KLHL33: variants seen among roughly 807,000 people sequenced by gnomAD.
The protein encoded by KLHL33 is kelch-like protein 33.
Under a neutral mutation model 60.8 loss-of-function variants are expected in KLHL33, and 46 were observed. The ratio of observed to expected loss-of-function variants is 0.76; its 90% confidence interval spans 0.60 to 0.97. KLHL33 has a LOEUF of 0.97. KLHL33 is among the 50% of genes least tolerant of loss of function. KLHL33 has a pLI of 0.00. For synonymous variants in KLHL33, 434 were observed against 432.2 expected (o/e 1.00, Z -0.05); for missense variants, 1,055 against 1,000.0 (o/e 1.05, Z -0.74).
intron 2 of KLHL33, among the ~76,000 whole-genome samples, chr14:20,434,434 G>T (rs545793795): frequency 6.6e-6 from 1 of 152,062 alleles, no homozygotes; most frequent in Non-Finnish European, 1.5e-5. Flanking sequence ...CCAGCTACTC[G>T]GGAGGCTGAG....
At chr14:20,434,565 G>C (rs1410184429) in intron 2 of KLHL33, among the ~76,000 whole-genome samples, 1 of 150,570 alleles carries the variant, frequency 6.6e-6, no homozygotes. Flanking sequence ...AAAGTGCCAC[G>C]GCCTGGTAAC....
At position 20,429,876 on chromosome 14, in the gene KLHL33, G is replaced by T. The variant is rs1880434407; in HGVS notation, c.1592C>A (p.Ala531Glu). The T allele has an allele frequency of 6.4e-7, 1 of 1,551,844 alleles. No individual in the cohort carries two copies. The highest frequency in any genetic ancestry group is 8.7e-7 in the Non-Finnish European group (1 of 1,147,058). The change falls in exon 3 of 5, where the codon GCA (alanine) becomes GAA (glutamate). Residue 531 changes from alanine (A) to glutamate (E), a missense_variant. Physicochemically the swap from Ala to Glu is moderately radical, Grantham distance 107. Coordinates refer to ENST00000636854, the MANE Select transcript of KLHL33 (RefSeq NM_001365790.2). ...ATAGAGTTCACTTCCTGCCAGGCTT[G>T]CAGCCCCATGCCGGAAGCGTCCGGG... is the stretch of plus-strand genomic sequence containing the variant. ...PAPGRFRHGA[A>E]SLAGSELYVC...
At position 20,429,195 on chromosome 14, in the gene KLHL33, C is replaced by T. The variant is rs1880399482; in HGVS notation, c.2048G>A (p.Arg683Lys). 1.3e-6 allele frequency: 2 copies of T among 1,551,564 alleles called. No homozygotes were observed. Among genetic ancestry groups the T allele is most frequent in the East Asian group, 2.4e-5 (1 of 40,906 alleles). ...ACCCAGCCCACCTGCCACATACAAC[C>T]TCCCACCCAATGCAGCCATGACATG... ...AGHVMAALGGRLYVAGGLGET... is the reference protein window; with the variant it reads ...AGHVMAALGGKLYVAGGLGET... The change falls in exon 5 of 5, where the codon AGG (arginine) becomes AAG (lysine). Residue 683 changes from arginine (R) to lysine (K), a missense_variant. By Grantham distance (26) the Arg-to-Lys change is conservative (BLOSUM62 2). Coordinates refer to ENST00000636854, the MANE Select transcript of KLHL33 (RefSeq NM_001365790.2).
Position 20,430,137 on chromosome 14 carries a change from A to G in KLHL33, c.1331T>C (p.Leu444Pro). 1 of 1,551,638 alleles carries G rather than the reference A, an allele frequency of 6.4e-7. No homozygotes were observed. Among genetic ancestry groups the G allele is most frequent in the Non-Finnish European group, 8.7e-7 (1 of 1,147,010 alleles). Reference protein sequence around the residue: ...RELRRVRAAGLLPPLTPDLLH... With the variant: ...RELRRVRAAGPLPPLTPDLLH... ...CAGATCTGGGGTCAGGGGTGGAAGT[A>G]GCCCGGCTGCCCGCACCCTCCGCAA... Residue 444 changes from leucine (L) to proline (P), a missense_variant, in exon 3 of 5, where the codon CTA (leucine) becomes CCA (proline). By Grantham distance (98) the Leu-to-Pro change is moderately conservative (BLOSUM62 -3). Coordinates refer to ENST00000636854, the MANE Select transcript of KLHL33 (RefSeq NM_001365790.2).
chr14:20,427,024 A>G lies in KLHL33; in HGVS notation c.*1825T>C, dbSNP rs1426350225. 71 of 106,848 alleles carry G rather than the reference A, an allele frequency of 6.6e-4. 1 individual carries two copies. The highest frequency in any genetic ancestry group is 2.3e-3 in the African/African-American group (61 of 26,994). The allele number at this position is 106,848 out of a possible 1,614,324, so 6.6% of individuals were successfully genotyped here. A position where few individuals can be genotyped will look rare whatever the true frequency, so the allele number is the denominator to read the frequency against. On this transcript the variant is annotated 3_prime_UTR_variant, in exon 5 of 5. Transcript: ENST00000636854. The stretch of plus-strand genomic sequence containing the variant: ...CAGGAAGGGGAACATCACACTCTGG[A>G]GAATGTTGTGGGGTGGGGGGAGGGG...
chr14:20,428,661 G>GT lies in KLHL33; in HGVS notation c.*187dup. ...TCAGCTGCCTCCCCTTTCCCTATAT[G>GT]TTTTCCCTAGGAGTTCTGGAACCAC... On this transcript the variant is annotated 3_prime_UTR_variant, in exon 5 of 5. Coordinates refer to ENST00000636854, the MANE Select transcript of KLHL33 (RefSeq NM_001365790.2). 1 of 607,402 alleles carries GT rather than the reference G, an allele frequency of 1.6e-6. No homozygotes were observed. The highest frequency in any genetic ancestry group is 2.9e-6 in the Non-Finnish European group (1 of 350,632). The allele number at this position is 607,402 out of a possible 1,614,324, so 37.6% of individuals were successfully genotyped here.
rs1880451928 is a variant in KLHL33, at chr14:20,430,125, AGG to A, written c.1341_1342del (p.Leu448AspfsTer13). 1 of 1,551,514 alleles carries A rather than the reference AGG, an allele frequency of 6.4e-7. No homozygotes were observed. The highest frequency in any genetic ancestry group is 1.4e-5 in the African/African-American group (1 of 73,056). The stretch of plus-strand genomic sequence containing the variant: ...CAGCTGGTGCAACAGATCTGGGGTC[AGG>A]GGTGGAAGTAGCCCGGCTGCCCGCA... On this transcript the variant is annotated frameshift_variant, in exon 3 of 5. Transcript: ENST00000636854. LOFTEE classifies it high-confidence loss of function.
At chr14:20,431,101 C>G (rs1257554828) in intron 2 of KLHL33, among the ~76,000 whole-genome samples, 1 of 152,178 alleles carries the variant, frequency 6.6e-6, no homozygotes, top group Admixed American at 6.5e-5. Context: ...AAAGCATTTG[C>G]TAAGAGGAGC....
In KLHL33 at chr14:20,435,663, A is replaced by T; in HGVS notation, c.149T>A (p.Phe50Tyr). ...CCTGGAACCAGGCTCCTCCAGAGGAAAGGAAGGCAATCTGGGATCCTCGTC... is the reference window on the plus strand; with the variant it reads ...CCTGGAACCAGGCTCCTCCAGAGGATAGGAAGGCAATCTGGGATCCTCGTC... Reference protein sequence around the residue: ...SPDEDPRLPSFPLEEPGSRPL... With the variant: ...SPDEDPRLPSYPLEEPGSRPL... The change falls in exon 2 of 5, where the codon TTT becomes TAT. Residue 50 changes from phenylalanine to tyrosine, a missense_variant. Physicochemically the swap from Phe to Tyr is conservative, Grantham distance 22. Coordinates refer to ENST00000636854, the MANE Select transcript of KLHL33 (RefSeq NM_001365790.2). The T allele has an allele frequency of 4.0e-6, 5 of 1,234,798 alleles. No homozygotes were observed. The highest frequency in any genetic ancestry group is 5.1e-6 in the Non-Finnish European group (5 of 988,474). 76.5% of individuals were successfully genotyped at this position (1,234,798 alleles called of 1,614,324 possible).
rs747485435 is a variant in KLHL33, at chr14:20,428,937, G to T, written c.2306C>A (p.Ala769Asp). 1 of 1,551,638 alleles carries T rather than the reference G, an allele frequency of 6.4e-7. No individual in the cohort carries two copies. The highest frequency in any genetic ancestry group is 8.7e-7 in the Non-Finnish European group (1 of 1,147,022). Residue 769 changes from alanine (A) to aspartate (D), a missense_variant, in exon 5 of 5, where the codon GCT becomes GAT. Transcript: ENST00000636854. Reference protein sequence around the residue: ...LCLGTLPRPRAEMPACILTLP... With the variant: ...LCLGTLPRPRDEMPACILTLP... The stretch of plus-strand genomic sequence containing the variant: ...TGTCAGGATGCAGGCAGGCATCTCA[G>T]CCCGAGGCCTTGGCAGAGTTCCCAG...
rs746908092 is a variant in KLHL33 at position 20,430,684 on chromosome 14, A to G, written c.784T>C (p.Phe262Leu). ...RAALACGSEF[F>L]GAMLLSGMRE... ...ATCCCGCTCAGGAGCATGGCCCCAA[A>G]GAACTCACTGCCACAGGCCAGGGCG... The change falls in exon 3 of 5, where the codon TTT becomes CTT. Residue 262 changes from phenylalanine to leucine, a missense_variant. Phe to Leu is a conservative substitution (Grantham distance 22). Transcript: ENST00000636854. 4 of 1,532,372 alleles carry G rather than the reference A, an allele frequency of 2.6e-6. No homozygotes were observed. Among genetic ancestry groups the G allele is most frequent in the Non-Finnish European group, 3.5e-6 (4 of 1,145,050 alleles). 94.9% of individuals were successfully genotyped at this position (1,532,372 alleles called of 1,614,324 possible).
chr14:20,429,769 C>A (rs1253004190), intron 3 of KLHL33, 26 bp downstream of exon 3: 26 of 1,523,184 alleles, frequency 1.7e-5, no homozygotes, highest in Non-Finnish European at 2.1e-5. Context: ...GCCTGCCACA[C>A]CCTGCCCACT....
rs1880642708 is a variant in KLHL33 at position 20,435,102 on chromosome 14, C to T, written c.710G>A (p.Cys237Tyr). The stretch of plus-strand genomic sequence containing the variant: ...GCCGCCTGCCTCCAGCTTCAAGTCA[C>T]ACCCGACGCCCTCTCGGTAGAGGAG... The part of the protein sequence containing the change: ...IELLYREGVG[C>Y]DLKLEAGGCQ... The change falls in exon 2 of 5, where the codon TGT becomes TAT. Residue 237 changes from cysteine (C) to tyrosine (Y), a missense_variant. Physicochemically the swap from Cys to Tyr is radical, Grantham distance 194. Transcript: ENST00000636854. 2.4e-6 allele frequency: 3 copies of T among 1,234,536 alleles called. No individual in the cohort carries two copies. The highest frequency in any genetic ancestry group is 3.2e-5 in the East Asian group (1 of 31,714). The allele number at this position is 1,234,536 out of a possible 1,614,324, so 76.5% of individuals were successfully genotyped here.
chr14:20,429,436 G>T (rs1419731037), intron 4 of KLHL33, 35 bp from the exon 5 acceptor site: 1 of 1,549,650 alleles, frequency 6.5e-7, no homozygotes, highest in Non-Finnish European at 8.7e-7. Context: ...AAGGCAACTA[G>T]CATCTTCAAC....
chr14:20,430,057 G>T lies in KLHL33; in HGVS notation c.1411C>A (p.Pro471Thr), dbSNP rs1429336866. 3.2e-6 allele frequency: 5 copies of T among 1,551,642 alleles called. No individual in the cohort carries two copies. The highest frequency in any genetic ancestry group is 2.0e-5 in the Admixed American group (1 of 50,996). ...CCAATCACTACCAGTGCCCGGTCAG[G>T]CTCCCTCCGTCTCTCTTGGCCTGGA... ...DVPGQERRRE[P>T]DRALVVIGGD... The change falls in exon 3 of 5, where the codon CCT becomes ACT. Residue 471 changes from proline to threonine, a missense_variant. Transcript: ENST00000636854.
At position 20,428,567 on chromosome 14, in the gene KLHL33, A is replaced by T. The variant is rs1242423263; in HGVS notation, c.*282T>A. 3 of 395,486 alleles carry T rather than the reference A, an allele frequency of 7.6e-6. No individual in the cohort carries two copies. The highest frequency in any genetic ancestry group is 1.4e-5 in the Non-Finnish European group (3 of 218,604). 24.5% of individuals were successfully genotyped at this position (395,486 alleles called of 1,614,324 possible). ...GCTTCTTAACTCTCTTTCAAACTAG[A>T]TGCCCTTTCCCTAAGAATCCCTAAG... On this transcript the variant is annotated 3_prime_UTR_variant, in exon 5 of 5. Transcript: ENST00000636854.
chr14:20,435,074 G>T lies in KLHL33; in HGVS notation c.738C>A (p.Cys246Ter). ...GCDLKLEAGG[C>*]QLSVHRAALA... ...CCCACAGGCCCTCACCCGACAGCTG[G>T]CAGCCGCCTGCCTCCAGCTTCAAGT... The change falls in exon 2 of 5, where the codon TGC becomes TGA. Residue 246 changes from cysteine to a stop codon, truncating the protein, a stop_gained. Coordinates refer to ENST00000636854, the MANE Select transcript of KLHL33 (RefSeq NM_001365790.2). LOFTEE classifies it high-confidence loss of function. The T allele has an allele frequency of 8.1e-7, 1 of 1,234,472 alleles. No homozygotes were observed. Among genetic ancestry groups the T allele is most frequent in the Non-Finnish European group, 1.0e-6 (1 of 988,240 alleles). 76.5% of individuals were successfully genotyped at this position (1,234,472 alleles called of 1,614,324 possible).
rs1214287591 is a variant in KLHL33, at chr14:20,432,107, A to G, written c.749-1388T>C. On this transcript the variant is annotated intron_variant, in intron 2 of 4. Coordinates refer to ENST00000636854, the MANE Select transcript of KLHL33 (RefSeq NM_001365790.2). Reference sequence around the variant, plus strand: ...ACAAATCAAGAAAATGGAGCATTTTATAGGATAACCAATTTTTTTTTTTTT... The same window carrying G: ...ACAAATCAAGAAAATGGAGCATTTTGTAGGATAACCAATTTTTTTTTTTTT... Among the ~76,000 whole-genome samples, 3 of 129,564 alleles carry G rather than the reference A, an allele frequency of 2.3e-5. No homozygotes were observed. The Admixed American group carries it at 2.4e-4, about 10-fold the overall frequency. 85.0% of individuals were successfully genotyped at this position (129,564 alleles called of 152,430 possible).
intron 2 of KLHL33, among the ~76,000 whole-genome samples, chr14:20,432,977 A>AGAAAGAAAGAAAGAAG (rs1880567906): frequency 1.3e-5 from 2 of 152,010 alleles, no homozygotes; most frequent in African/African-American, 4.8e-5. Context: ...AAAGAAAGAA[A>AGAAAGAAAGAAAGAAG]GAAAGAAAGA....
Sources: allele counts gnomAD v4.1 joint callset (sites outside exome capture counted in the v4.1 genomes callset), GRCh38; gene constraint gnomAD v4.1.1; transcripts MANE v1.5; gene names NCBI Gene and HGNC (gene_info 2026-07-23, HGNC 2026-07-21).